The following SNX29 variants were observed in gnomAD, a reference collection of about 807,000 sequenced individuals.
SNX29 encodes sorting nexin-29.
Under a neutral mutation model 102.1 loss-of-function variants are expected in SNX29, and 78 were observed. The observed-to-expected ratio is 0.76, with a 90% CI of 0.64 to 0.92. The LOEUF (loss-of-function observed/expected upper bound fraction) is 0.92, where lower values mean the gene tolerates loss of function less well. Ranked by LOEUF, SNX29 falls within the 40% of genes least tolerant of loss-of-function variation. The pLI, the probability that SNX29 is intolerant of heterozygous loss-of-function variation, is 0.00. For missense variants in SNX29, 1,280 were observed against 1,061.7 expected, an observed-to-expected ratio of 1.21 and a Z score of -2.86; for synonymous variants, 580 against 414.5, an observed-to-expected ratio of 1.40 and a Z score of -4.85.
chr16:12,268,107 C>G (rs1239568264), intron 14 of SNX29, among the ~76,000 whole-genome samples: 1 of 152,228 alleles, frequency 6.6e-6, no homozygotes, highest in Non-Finnish European at 1.5e-5. Flanking sequence ...TCCTCACTAG[C>G]GAGGGCTTTC....
intron 13 of SNX29, among the ~76,000 whole-genome samples, chr16:12,173,273 A>G (rs1472691577): frequency 6.6e-6 from 1 of 152,178 alleles, no homozygotes; most frequent in Non-Finnish European, 1.5e-5. Context: ...GCAGAGAGTT[A>G]CATTCGTGGA....
chr16:12,415,144 G>T (rs2084575023), intron 18 of SNX29, among the ~76,000 whole-genome samples: 1 of 152,252 alleles, frequency 6.6e-6, no homozygotes, highest in Non-Finnish European at 1.5e-5. Flanking sequence ...AAAAATTCCA[G>T]CTTGCTTGTG....
intron 9 of SNX29, among the ~76,000 whole-genome samples, chr16:12,063,242 C>T (rs1203733802): frequency 6.6e-6 from 1 of 152,040 alleles, no homozygotes; most frequent in Non-Finnish European, 1.5e-5. Flanking sequence ...TGTCCATGGC[C>T]CAGGAGCTGG....
intron 18 of SNX29, among the ~76,000 whole-genome samples, chr16:12,441,547 G>A (rs935540368): frequency 6.6e-6 from 1 of 152,122 alleles, no homozygotes; most frequent in Non-Finnish European, 1.5e-5. Flanking sequence ...CTGTGTGAAC[G>A]TTTGTCTTCA....
chr16:12,483,114 G>GTTTTTTGTT (rs2088031350), intron 19 of SNX29, among the ~76,000 whole-genome samples: 2 of 66,196 alleles, frequency 3.0e-5, no homozygotes, highest in African/African-American at 1.2e-4. Context: ...AAGTTATTAA[G>GTTTTTTGTT]TTTTTTTTTT....
Position 12,207,800 on chromosome 16 carries a change from G to A in SNX29, c.1678+8117G>A, listed in dbSNP as rs80247422. On this transcript the variant is annotated intron_variant, in intron 14 of 20. Coordinates refer to ENST00000566228, the MANE Select transcript of SNX29 (RefSeq NM_032167.5). Reference sequence around the variant, plus strand: ...CTGTGGTGCTTGCTACGAGCAGTAAGCAGAGTCTGGCATTTGCTTTTTGCT... The same window carrying A: ...CTGTGGTGCTTGCTACGAGCAGTAAACAGAGTCTGGCATTTGCTTTTTGCT... Among the ~76,000 whole-genome samples, 35 of 152,294 alleles carry A rather than the reference G, an allele frequency of 2.3e-4. No individual in the cohort carries two copies. In the South Asian group the frequency reaches 6.8e-3, roughly 30 times the overall value.
At chr16:12,260,270 C>T (rs1251291178) in intron 14 of SNX29, among the ~76,000 whole-genome samples, 1 of 152,202 alleles carries the variant, frequency 6.6e-6, no homozygotes, top group Non-Finnish European at 1.5e-5. Flanking sequence ...CCAGCCTTGA[C>T]ATTGTTTTCC....
Position 12,024,895 on chromosome 16 carries a change from C to A in SNX29, c.123-2425C>A, listed in dbSNP as rs114475236. Reference sequence around the variant, plus strand: ...TTTTTGTTTTTGTTTTTGTTTTTTTCTCTCTGAGACAGACCCCTGATCTAG... The same window carrying A: ...TTTTTGTTTTTGTTTTTGTTTTTTTATCTCTGAGACAGACCCCTGATCTAG... On this transcript the variant is annotated intron_variant, in intron 3 of 20. Coordinates refer to ENST00000566228, the MANE Select transcript of SNX29 (RefSeq NM_032167.5). Among the ~76,000 whole-genome samples the A allele has an allele frequency of 9.4e-3, 1,423 of 152,048 alleles. 17 individuals carry two copies. Among genetic ancestry groups the A allele is most frequent in the African/African-American group, 0.032 (1,341 of 41,500 alleles).
intron 20 of SNX29, among the ~76,000 whole-genome samples, chr16:12,546,002 G>T (rs961502430): frequency 6.6e-6 from 1 of 152,146 alleles, no homozygotes; most frequent in Non-Finnish European, 1.5e-5. Context: ...ACACCTGGAT[G>T]CCAAAAACAG....
intron 16 of SNX29, among the ~76,000 whole-genome samples, chr16:12,358,770 G>A (rs544539826): frequency 9.5e-4 from 144 of 152,232 alleles, no homozygotes; most frequent in African/African-American, 2.8e-3. Context: ...ATCCAATCAC[G>A]TTGTTAATCT....
chr16:12,163,196 A>C (rs530787110), intron 13 of SNX29, among the ~76,000 whole-genome samples: 4 of 152,114 alleles, frequency 2.6e-5, no homozygotes, highest in African/African-American at 9.6e-5. Context: ...GTTGCTTCTG[A>C]TGGTAGATAG....
Position 12,401,210 on chromosome 16 carries a change from C to T in SNX29, c.1956-2238C>T, listed in dbSNP as rs117411266. ...TAGAAGATTTGAACAACATGAGAAA[C>T]CAATTAGATTTAACAGCAGAATGCA... On this transcript the variant is annotated intron_variant, in intron 17 of 20. Transcript: ENST00000566228. Among the ~76,000 whole-genome samples the T allele has an allele frequency of 2.0e-3, 308 of 152,144 alleles. 14 individuals are homozygous for T. In the East Asian group the frequency reaches 0.053, roughly 26 times the overall value.
chr16:12,144,490 T>C lies in SNX29; in HGVS notation c.1595+14732T>C, dbSNP rs146566019. On this transcript the variant is annotated intron_variant, in intron 13 of 20. Transcript: ENST00000566228. Reference sequence around the variant, plus strand: ...TAGACCATGAGCGCTCCACCCCCCATGGAGGGGAGGTGCGATTCATGCTGT... The same window carrying C: ...TAGACCATGAGCGCTCCACCCCCCACGGAGGGGAGGTGCGATTCATGCTGT... 7.9e-5 allele frequency among the ~76,000 whole-genome samples: 12 copies of C among 152,214 alleles called. No individual in the cohort carries two copies. The South Asian group carries it at 1.2e-3, about 16-fold the overall frequency.
At chr16:12,243,120 C>T (rs1156458881) in intron 14 of SNX29, among the ~76,000 whole-genome samples, 2 of 152,260 alleles carry the variant, frequency 1.3e-5, no homozygotes, top group African/African-American at 4.8e-5. Context: ...AGCAGAGACA[C>T]TATTTGTCTT....
intron 13 of SNX29, among the ~76,000 whole-genome samples, chr16:12,155,923 G>A (rs775214178): frequency 2.0e-5 from 3 of 152,152 alleles, no homozygotes; most frequent in South Asian, 2.1e-4. Context: ...CACTTCCTTC[G>A]AAGTAAAGCC....
At chr16:12,517,962 G>A (rs1246893806) in intron 19 of SNX29, among the ~76,000 whole-genome samples, 1 of 152,130 alleles carries the variant, frequency 6.6e-6, no homozygotes, top group Non-Finnish European at 1.5e-5. Context: ...GAAACTTGGG[G>A]CTGCTAACAT....
intron 11 of SNX29, among the ~76,000 whole-genome samples, chr16:12,106,694 T>G (rs1297572230): frequency 1.3e-5 from 2 of 151,446 alleles, no homozygotes; most frequent in East Asian, 3.9e-4. Context: ...TTGCCTAGGC[T>G]TATCTATGAC....
chr16:12,076,027 G>T (rs942445393), intron 10 of SNX29, among the ~76,000 whole-genome samples: 1 of 152,206 alleles, frequency 6.6e-6, no homozygotes, highest in Non-Finnish European at 1.5e-5. Context: ...GAAAAGCGCA[G>T]TATTTGGGTG....
intron 16 of SNX29, among the ~76,000 whole-genome samples, chr16:12,378,247 G>C (rs908281214): frequency 6.6e-6 from 1 of 152,270 alleles, no homozygotes; most frequent in East Asian, 1.9e-4. Flanking sequence ...GTTTCCACTC[G>C]TGGCAGCAGA....
Sources: gnomAD v4.1 joint callset for allele counts (sites outside exome capture counted in the v4.1 genomes callset) on GRCh38, gnomAD v4.1.1 for gene constraint, MANE v1.5 for transcripts, NCBI Gene and HGNC (gene_info 2026-07-23, HGNC 2026-07-21) for gene names.